SPMIP11: variants seen among roughly 807,000 people sequenced by gnomAD.
The protein encoded by SPMIP11 is long intergenic non-protein coding RNA 935.
At chr12:48,769,244 C>CAA in the SPMIP11 span, among the ~76,000 whole-genome samples, 1 of 146,490 alleles carries the variant, frequency 6.8e-6, no homozygotes, top group South Asian at 2.2e-4. Context: ...CCTATCTTTA[C>CAA]AAAAAAAAAA....
the SPMIP11 span, among the ~76,000 whole-genome samples, chr12:48,744,592 C>T: frequency 5.9e-5 from 9 of 151,962 alleles, no homozygotes; most frequent in East Asian, 1.7e-3. Context: ...AACTTAGCTG[C>T]ATGGTGGCAC....
the SPMIP11 span, among the ~76,000 whole-genome samples, chr12:48,744,795 G>A: frequency 6.8e-6 from 1 of 147,456 alleles, no homozygotes; most frequent in Admixed American, 6.9e-5. Flanking sequence ...GGAGGAGGAG[G>A]GGAAAGAAGA....
the SPMIP11 span, among the ~76,000 whole-genome samples, chr12:48,729,441 G>A: frequency 2.9e-4 from 44 of 152,158 alleles, 1 homozygote; most frequent in South Asian, 8.1e-3. Context: ...GGCTGAGGCA[G>A]GAGAATTGCT....
chr12:48,770,878 G>A, the SPMIP11 span: 22 of 1,614,118 alleles, frequency 1.4e-5, no homozygotes, highest in Admixed American at 1.7e-4. Context: ...CCACCTGATC[G>A]TAGGTGCTGG....
chr12:48,765,754 G>T, the SPMIP11 span: 1 of 692,550 alleles, frequency 1.4e-6, no homozygotes, highest in Non-Finnish European at 2.6e-6. Context: ...ATGGGAGGAG[G>T]AGATGGAGAA....
the SPMIP11 span, chr12:48,770,760 T>G: frequency 6.2e-7 from 1 of 1,613,486 alleles, no homozygotes; most frequent in Non-Finnish European, 8.5e-7. Context: ...AACAAAGCCC[T>G]CTTACCAATC....
At chr12:48,731,694 C>A in the SPMIP11 span, among the ~76,000 whole-genome samples, 1 of 152,270 alleles carries the variant, frequency 6.6e-6, no homozygotes, top group Non-Finnish European at 1.5e-5. Context: ...GAATAGTGTT[C>A]TGCAAGATAA....
the SPMIP11 span, among the ~76,000 whole-genome samples, chr12:48,734,693 C>A: frequency 5.8e-4 from 88 of 152,176 alleles, no homozygotes; most frequent in Non-Finnish European, 1.2e-3. Flanking sequence ...TATCTAATCA[C>A]ATAAACTCTT....
At chr12:48,751,320 A>G in the SPMIP11 span, among the ~76,000 whole-genome samples, 1 of 152,230 alleles carries the variant, frequency 6.6e-6, no homozygotes, top group African/African-American at 2.4e-5. Context: ...TTGACTTCAG[A>G]AACTCAGTTT....
At chr12:48,756,771 C>CTTTCTT in the SPMIP11 span, among the ~76,000 whole-genome samples, 129 of 108,592 alleles carry the variant, frequency 1.2e-3, 5 homozygotes, top group Non-Finnish European at 2.4e-3. Flanking sequence ...ATTTTTTTTT[C>CTTTCTT]TTTTTTTCTT....
chr12:48,764,923 G>A, the SPMIP11 span: 6 of 702,838 alleles, frequency 8.5e-6, no homozygotes, highest in Non-Finnish European at 1.6e-5. Flanking sequence ...CATGATCCAG[G>A]AGTGCGTCCA....
chr12:48,764,069 G>T, the SPMIP11 span, among the ~76,000 whole-genome samples: 1 of 150,580 alleles, frequency 6.6e-6, no homozygotes, highest in Non-Finnish European at 1.5e-5. Flanking sequence ...CGCAACCTCT[G>T]CCTCCTGGGT....
At chr12:48,763,187 C>T in the SPMIP11 span, among the ~76,000 whole-genome samples, 8 of 151,748 alleles carry the variant, frequency 5.3e-5, no homozygotes, top group East Asian at 1.4e-3. Flanking sequence ...TTTATCTATT[C>T]GAGACAGAAT....
At chr12:48,743,575 G>C in the SPMIP11 span, among the ~76,000 whole-genome samples, 3 of 152,110 alleles carry the variant, frequency 2.0e-5, no homozygotes, top group African/African-American at 7.2e-5. Flanking sequence ...GGGAGGCCAA[G>C]GCGGGCAGAT....
At chr12:48,770,467 A>G in the SPMIP11 span, among the ~76,000 whole-genome samples, 1 of 152,154 alleles carries the variant, frequency 6.6e-6, no homozygotes, top group South Asian at 2.1e-4. Context: ...CTGATTTTTA[A>G]TCCCAGCTCT....
chr12:48,765,698 T>A, the SPMIP11 span: 1 of 702,072 alleles, frequency 1.4e-6, no homozygotes, highest in South Asian at 1.5e-5. Flanking sequence ...GTGGCAAGAG[T>A]GCAGAGGGGG....
chr12:48,768,764 G>C, the SPMIP11 span: 22 of 1,601,884 alleles, frequency 1.4e-5, no homozygotes, highest in Non-Finnish European at 1.9e-5. Context: ...CCTTCCTGCT[G>C]CATTTGCAGG....
At chr12:48,759,410 C>G in the SPMIP11 span, 9 of 678,348 alleles carry the variant, frequency 1.3e-5, no homozygotes, top group South Asian at 1.4e-4. Flanking sequence ...GGGATGAGGC[C>G]GGGCTTGGTG....
the SPMIP11 span, among the ~76,000 whole-genome samples, chr12:48,739,585 G>A: frequency 3.9e-5 from 6 of 152,120 alleles, no homozygotes; most frequent in Non-Finnish European, 8.8e-5. Context: ...AGCCGGGGAA[G>A]CCTCAGGAAA....
Sources: allele counts gnomAD v4.1 joint callset (sites outside exome capture counted in the v4.1 genomes callset), GRCh38; gene constraint gnomAD v4.1.1; transcripts MANE v1.5; gene names NCBI Gene and HGNC (gene_info 2026-07-23, HGNC 2026-07-21).